GPR174: variants seen among roughly 807,000 people sequenced by gnomAD.
The protein encoded by GPR174 is probable G protein-coupled receptor 174.
In GPR174, 8 loss-of-function variants were observed where a neutral mutation model predicts 16.5. That is an observed-to-expected ratio of 0.48 (90% confidence interval 0.28 to 0.87). GPR174 has a LOEUF of 0.87. Ranked by LOEUF, GPR174 falls within the 40% of genes least tolerant of loss-of-function variation. GPR174 has a pLI of 0.09. For missense variants in GPR174, 214 were observed against 247.5 expected, an observed-to-expected ratio of 0.86 and a Z score of 0.91; for synonymous variants, 111 against 94.8, an observed-to-expected ratio of 1.17 and a Z score of -0.99.
At chrX:79,149,270 T>C (rs766156473) in intron 1 of GPR174, among the ~76,000 whole-genome samples, 1 of 112,443 alleles carries the variant, frequency 8.9e-6, no homozygotes, top group Non-Finnish European at 1.9e-5. Flanking sequence ...CTGTATTCTT[T>C]GGTCCAGTTT....
chrX:79,157,457 C>T (rs370085382), intron 2 of GPR174, among the ~76,000 whole-genome samples: 1 of 111,488 alleles, frequency 9.0e-6, no homozygotes. Flanking sequence ...GGTACACAGC[C>T]TTTATTCCCA....
In GPR174 at chrX:79,145,002, C is replaced by CTT. The variant is rs1926464087; in HGVS notation, c.-868_-867insTT. On this transcript the variant is annotated 5_prime_UTR_variant, in exon 1 of 3. Coordinates refer to ENST00000645147, the MANE Select transcript of GPR174 (RefSeq NM_032553.3). ...TTTTTCTTTCTTTCTTTCTCTCTCT[C>CTT]TCTCTTTCTTTCTTTCTTTCTTTCT... 3.8e-4 allele frequency: 13 copies of CTT among 34,019 alleles called. No homozygotes were observed. Among genetic ancestry groups the CTT allele is most frequent in the African/African-American group, 7.4e-4 (8 of 10,844 alleles). The allele number at this position is 34,019 out of a possible 1,213,427, so 2.8% of individuals were successfully genotyped here. A position where few individuals can be genotyped will look rare whatever the true frequency, so the allele number is the denominator to read the frequency against.
intron 2 of GPR174, among the ~76,000 whole-genome samples, chrX:79,167,341 T>G (rs1341299275): frequency 8.9e-6 from 1 of 111,941 alleles, no homozygotes; most frequent in Non-Finnish European, 1.9e-5. Flanking sequence ...AATACACATT[T>G]TTAATAAGCA....
At chrX:79,151,661 T>A (rs998858471) in intron 1 of GPR174, among the ~76,000 whole-genome samples, 1 of 111,735 alleles carries the variant, frequency 8.9e-6, no homozygotes, top group Non-Finnish European at 1.9e-5. Flanking sequence ...TTTATTGGAT[T>A]TAGGCTAGGT....
rs989877319 is a variant in GPR174 at position 79,144,703 on chromosome X, T to A, written c.-1168T>A. The A allele has an allele frequency of 2.7e-5, 3 of 110,709 alleles. No homozygotes were observed. Among genetic ancestry groups the A allele is most frequent in the Non-Finnish European group, 5.7e-5 (3 of 52,801 alleles). 9.1% of individuals were successfully genotyped at this position (110,709 alleles called of 1,213,427 possible). A position where few individuals can be genotyped will look rare whatever the true frequency, so the allele number is the denominator to read the frequency against. On this transcript the variant is annotated 5_prime_UTR_variant, in exon 1 of 3. Transcript: ENST00000645147. ...GGAAATGTTCAGTGTACACAGAGAG[T>A]GGCTTGCATATTTCACTCTGACATC...
intron 2 of GPR174, among the ~76,000 whole-genome samples, chrX:79,162,472 A>T (rs1921259199): frequency 8.9e-6 from 1 of 112,351 alleles, no homozygotes; most frequent in African/African-American, 3.2e-5. Context: ...TCAGTGGCCA[A>T]TATCAAATAA....
At chrX:79,160,776 G>T (rs776428996) in intron 2 of GPR174, among the ~76,000 whole-genome samples, 5 of 111,874 alleles carry the variant, frequency 4.5e-5, no homozygotes, top group African/African-American at 6.5e-5. Context: ...GACAAACTCA[G>T]TAGAAGTCTA....
At chrX:79,150,678 C>T (rs1926584363) in intron 1 of GPR174, among the ~76,000 whole-genome samples, 2 of 111,202 alleles carry the variant, frequency 1.8e-5, no homozygotes, top group Non-Finnish European at 3.8e-5. Flanking sequence ...TAACCCTTTC[C>T]TGAGTGAGGA....
At chrX:79,158,440 TTCTTTTTC>T (rs1921151153) in intron 2 of GPR174, among the ~76,000 whole-genome samples, 1 of 75,428 alleles carries the variant, frequency 1.3e-5, no homozygotes, top group Non-Finnish European at 2.7e-5. Context: ...TTTTCTTTCT[TTCTTTTTC>T]TTTTTTTTTT....
chrX:79,171,864 G>C lies in GPR174; in HGVS notation c.857G>C (p.Cys286Ser). ...VALCLASLNS[C>S]LDPVIYYFST... Reference sequence around the variant, plus strand: ...TTGTGTCTTGCTAGTCTGAATTCATGTCTTGACCCAGTCATATACTACTTT... The same window carrying C: ...TTGTGTCTTGCTAGTCTGAATTCATCTCTTGACCCAGTCATATACTACTTT... Residue 286 changes from cysteine (C) to serine (S), a missense_variant, in exon 3 of 3, where the codon TGT (cysteine) becomes TCT (serine). By Grantham distance (112) the Cys-to-Ser change is moderately radical. Transcript: ENST00000645147. 8.3e-7 allele frequency: 1 copy of C among 1,211,149 alleles called. No individual in the cohort carries two copies. The highest frequency in any genetic ancestry group is 1.1e-6 in the Non-Finnish European group (1 of 895,334).
intron 1 of GPR174, among the ~76,000 whole-genome samples, chrX:79,154,720 C>T (rs995121500): frequency 1.8e-5 from 2 of 110,914 alleles, no homozygotes; most frequent in Non-Finnish European, 3.8e-5. Flanking sequence ...TCCCTCATTC[C>T]GCAGATGAAA....
At chrX:79,166,760 A>C (rs1479747772) in intron 2 of GPR174, among the ~76,000 whole-genome samples, 1 of 110,159 alleles carries the variant, frequency 9.1e-6, no homozygotes, top group Non-Finnish European at 1.9e-5. Context: ...ACTACACTAG[A>C]CTCTGGTTTA....
In GPR174 at chrX:79,170,530, C is replaced by T. The variant is rs912317424; in HGVS notation, c.-478C>T. The T allele has an allele frequency of 9.0e-6, 1 of 111,682 alleles. No homozygotes were observed. The highest frequency in any genetic ancestry group is 3.3e-5 in the African/African-American group (1 of 30,392). 9.2% of individuals were successfully genotyped at this position (111,682 alleles called of 1,213,427 possible). ...AGAAAGCTGATCTTTCCAAGTTAAT[C>T]ATCCCTGAAGAGTGGCGGACTCATT... On this transcript the variant is annotated 5_prime_UTR_variant, in exon 3 of 3. Transcript: ENST00000645147.
At position 79,172,146 on chromosome X, in the gene GPR174, CTTCTT is replaced by C; in HGVS notation, c.*138_*142del. On this transcript the variant is annotated 3_prime_UTR_variant, in exon 3 of 3. Coordinates refer to ENST00000645147, the MANE Select transcript of GPR174 (RefSeq NM_032553.3). ...CTATCTTACTGCTATGGGGAATTCACTTCTTCAAAGCAGGACCTATTTGGAGCATT... is the reference window on the plus strand; with the variant it reads ...CTATCTTACTGCTATGGGGAATTCACCAAAGCAGGACCTATTTGGAGCATT... The C allele has an allele frequency of 1.7e-6, 1 of 603,481 alleles. No individual in the cohort carries two copies. The highest frequency in any genetic ancestry group is 2.5e-6 in the Non-Finnish European group (1 of 396,136). The allele number at this position is 603,481 out of a possible 1,213,427, so 49.7% of individuals were successfully genotyped here.
intron 1 of GPR174, among the ~76,000 whole-genome samples, chrX:79,156,375 T>A (rs894336555): frequency 3.6e-5 from 4 of 112,236 alleles, no homozygotes; most frequent in African/African-American, 1.3e-4. Flanking sequence ...GCCAGCTGGA[T>A]CTCCCTCCAT....
At chrX:79,151,601 G>C (rs1039835879) in intron 1 of GPR174, among the ~76,000 whole-genome samples, 1 of 111,730 alleles carries the variant, frequency 9.0e-6, no homozygotes, top group Non-Finnish European at 1.9e-5. Context: ...AATCAAGAGA[G>C]TTGGTAATAG....
At chrX:79,166,016 AACAGGAAACAT>A (rs1921352379) in intron 2 of GPR174, among the ~76,000 whole-genome samples, 1 of 111,734 alleles carries the variant, frequency 8.9e-6, no homozygotes, top group Non-Finnish European at 1.9e-5. Flanking sequence ...CAGCACCGAG[AACAGGAAACAT>A]ACAGCTTTCC....
In GPR174 at chrX:79,149,294, T is replaced by C. The variant is rs754145685; in HGVS notation, c.-654+4077T>C. On this transcript the variant is annotated intron_variant, in intron 1 of 2. Transcript: ENST00000645147. ...TTGGTCCAGTTTTTATTGGGATCTG[T>C]TTTTATTTTTACCTTTTTTTCCCCT... Among the ~76,000 whole-genome samples, 9 of 112,220 alleles carry C rather than the reference T, an allele frequency of 8.0e-5. No individual in the cohort carries two copies. The East Asian group carries it at 2.2e-3, about 28-fold the overall frequency.
At chrX:79,162,513 G>A (rs1921260452) in intron 2 of GPR174, among the ~76,000 whole-genome samples, 1 of 112,269 alleles carries the variant, frequency 8.9e-6, no homozygotes, top group Non-Finnish European at 1.9e-5. Flanking sequence ...TATTAAATAT[G>A]CCTTTAGATT....
Sources: gnomAD v4.1 joint callset for allele counts (sites outside exome capture counted in the v4.1 genomes callset) on GRCh38, gnomAD v4.1.1 for gene constraint, MANE v1.5 for transcripts, NCBI Gene and HGNC (gene_info 2026-07-23, HGNC 2026-07-21) for gene names.